The following CRHR2 variants were observed in gnomAD, a reference collection of about 807,000 sequenced individuals.
The protein encoded by CRHR2 is corticotropin releasing hormone receptor 2.
Under a neutral mutation model 57.9 loss-of-function variants are expected in CRHR2, and 53 were observed. The ratio of observed to expected loss-of-function variants is 0.92; its 90% CI spans 0.73 to 1.15. The LOEUF (loss-of-function observed/expected upper bound fraction) is 1.15. Ranked by LOEUF, CRHR2 falls within the 50% of genes most tolerant of loss-of-function variation. The probability of loss-of-function intolerance (pLI) is 0.00; values close to 1 mark genes in which losing one functional copy is unlikely to be tolerated. For synonymous variants in CRHR2, 213 were observed against 220.9 expected (o/e 0.96, Z 0.32); for missense variants, 532 against 542.6 (o/e 0.98, Z 0.19).
chr7:30,657,273 C>T (rs996564283), intron 8 of CRHR2, among the ~76,000 whole-genome samples: 12 of 152,252 alleles, frequency 7.9e-5, no homozygotes, highest in East Asian at 1.9e-4. Flanking sequence ...CACAAGCTTT[C>T]GGGTAGCCCT....
chr7:30,687,859 G>C (rs1026897441), intron 2 of CRHR2, among the ~76,000 whole-genome samples: 1 of 152,194 alleles, frequency 6.6e-6, no homozygotes, highest in Non-Finnish European at 1.5e-5. Context: ...GAAGGGAGGG[G>C]CCTCCATTTC....
chr7:30,664,983 G>T, intron 5 of CRHR2, 87 bp downstream of exon 5: 2 of 1,041,624 alleles, frequency 1.9e-6, no homozygotes, highest in Non-Finnish European at 3.0e-6. Context: ...ACAAAGGAGG[G>T]GTCCAAGCAG....
intron 11 of CRHR2, chr7:30,654,799 T>C (rs767278994): frequency 1.3e-6 from 2 of 1,538,066 alleles, no homozygotes; most frequent in Non-Finnish European, 1.7e-6. Flanking sequence ...GCTTCCTTGC[T>C]CACCCAGCTC....
At position 30,662,731 on chromosome 7, in the gene CRHR2, C is replaced by G. The variant is rs34625936; in HGVS notation, c.660G>C (p.Glu220Asp). The G allele has an allele frequency of 0.012, 19,060 of 1,614,162 alleles. 320 individuals are homozygous for G. Among genetic ancestry groups the G allele is most frequent in the African/African-American group, 0.072 (5,419 of 75,046 alleles). ...HTAIVMTYST[E>D]RLRKCLFLFI... ...AGAGGAAGAGGCACTTGCGCAGGCG[C>G]TCAGTGGAGTAGGTCATGACAATGG... is the stretch of plus-strand genomic sequence containing the variant. The change falls in exon 6 of 12, where the codon GAG becomes GAC. Residue 220 changes from glutamate (E) to aspartate (D), a missense_variant. Physicochemically the swap from Glu to Asp is conservative, Grantham distance 45. Coordinates refer to ENST00000471646, the MANE Select transcript of CRHR2 (RefSeq NM_001883.5).
At position 30,652,147 on chromosome 7, in the gene CRHR2, A is replaced by T. The variant is rs1033804979; in HGVS notation, c.*1313T>A. ...GGTTTCTTTTGGAAGAAATGGCCTG[A>T]TGCTTCTCTCTCCCTGACTCCTGCG... On this transcript the variant is annotated 3_prime_UTR_variant, in exon 12 of 12. Transcript: ENST00000471646. The surrounding 1 kb of genome is among the most constrained non-coding windows in gnomAD (Gnocchi z 4.4). 3 of 152,236 alleles carry T rather than the reference A, an allele frequency of 2.0e-5. No individual in the cohort carries two copies. The highest frequency in any genetic ancestry group is 7.2e-5 in the African/African-American group (3 of 41,464). 9.4% of individuals were successfully genotyped at this position (152,236 alleles called of 1,614,324 possible).
intron 3 of CRHR2, 37 bp downstream of exon 3, chr7:30,667,191 G>A (rs368535432): frequency 6.3e-7 from 1 of 1,579,596 alleles, no homozygotes; most frequent in Non-Finnish European, 8.7e-7. Context: ...AAATACCTGT[G>A]TGAGGCCTGG....
rs1357822000 is a variant in CRHR2 at position 30,662,811 on chromosome 7, A to T, written c.580T>A (p.Phe194Ile). 1.2e-6 allele frequency: 2 copies of T among 1,614,208 alleles called. No individual in the cohort carries two copies. Among genetic ancestry groups the T allele is most frequent in the Non-Finnish European group, 1.7e-6 (2 of 1,180,032 alleles). ...ATCCAGAAGAAGTTGGTCACCACGA[A>T]GTAGTTGAAGATGGTGGTGATGCAG... ...CRCITTIFNY[F>I]VVTNFFWMFV... Residue 194 changes from phenylalanine to isoleucine, a missense_variant, in exon 6 of 12, where the codon TTC (phenylalanine) becomes ATC (isoleucine). By Grantham distance (21) the Phe-to-Ile change is conservative. Coordinates refer to ENST00000471646, the MANE Select transcript of CRHR2 (RefSeq NM_001883.5).
In CRHR2 at chr7:30,667,688, C is replaced by T. The variant is rs114689678; in HGVS notation, c.230-375G>A. ...CTCAATTGTTTTATATTTATGAGGTCCATACTTCACCAATATCAGCACTTC... is the reference window on the plus strand; with the variant it reads ...CTCAATTGTTTTATATTTATGAGGTTCATACTTCACCAATATCAGCACTTC... On this transcript the variant is annotated intron_variant, in intron 2 of 11. Coordinates refer to ENST00000471646, the MANE Select transcript of CRHR2 (RefSeq NM_001883.5). Among the ~76,000 whole-genome samples the T allele has an allele frequency of 3.6e-3, 553 of 152,320 alleles. 4 individuals carry two copies. Among genetic ancestry groups the T allele is most frequent in the African/African-American group, 0.013 (521 of 41,574 alleles).
At chr7:30,682,152 C>A in intron 1 of CRHR2, 26 bp downstream of exon 1, 1 of 1,543,274 alleles carries the variant, frequency 6.5e-7, no homozygotes, top group South Asian at 1.2e-5. Context: ...GCCCGCGCAG[C>A]CTCCGACCGC....
intron 2 of CRHR2, among the ~76,000 whole-genome samples, chr7:30,668,144 G>A (rs1393446889): frequency 6.6e-6 from 1 of 152,216 alleles, no homozygotes; most frequent in Non-Finnish European, 1.5e-5. Flanking sequence ...AAGCAGCAAT[G>A]TCCTGTGCAC....
chr7:30,665,476 G>C lies in CRHR2; in HGVS notation c.425+54C>G. 2.9e-6 allele frequency: 4 copies of C among 1,392,336 alleles called. No individual in the cohort carries two copies. The highest frequency in any genetic ancestry group is 4.0e-6 in the Non-Finnish European group (4 of 1,003,658). 86.2% of individuals were successfully genotyped at this position (1,392,336 alleles called of 1,614,324 possible). On this transcript the variant is annotated intron_variant, in intron 4 of 11. Coordinates refer to ENST00000471646, the MANE Select transcript of CRHR2 (RefSeq NM_001883.5). This position sits in a 1 kb window ranked among gnomAD's most constrained non-coding sequence, Gnocchi z 4.5. The stretch of plus-strand genomic sequence containing the variant: ...GTGAGAATGTCTGGGAGAGGTGAAG[G>C]GGGTGCTGTAGGGGGAGGGATGAGG...
chr7:30,667,275 C>T lies in CRHR2; in HGVS notation c.268G>A (p.Ala90Thr). The T allele has an allele frequency of 6.2e-7, 1 of 1,614,118 alleles. No individual in the cohort carries two copies. The highest frequency in any genetic ancestry group is 2.2e-5 in the East Asian group (1 of 44,872). ...CACTGTGAGTAGTTGATCTTTGAGG[C>T]CCACGTCCCATTCTCCAAGCATTCT... is the stretch of plus-strand genomic sequence containing the variant. ...YRECLENGTWASKINYSQCEP... is the reference protein window; with the variant it reads ...YRECLENGTWTSKINYSQCEP... Residue 90 changes from alanine (A) to threonine (T), a missense_variant, in exon 3 of 12, where the codon GCC (alanine) becomes ACC (threonine). Transcript: ENST00000471646.
At chr7:30,666,838 G>A (rs1784200928) in intron 3 of CRHR2, among the ~76,000 whole-genome samples, 1 of 150,846 alleles carries the variant, frequency 6.6e-6, no homozygotes, top group Admixed American at 6.6e-5. Flanking sequence ...CCCTTGGGGG[G>A]CTGCATTTGT....
chr7:30,699,305 T>C (rs907850950), intron 1 of CRHR2, among the ~76,000 whole-genome samples: 8 of 152,106 alleles, frequency 5.3e-5, no homozygotes, highest in Non-Finnish European at 1.2e-4. Context: ...GGGGTGTGGC[T>C]GGATGAAGCT....
rs183814597 is a variant in CRHR2, at chr7:30,679,224, C to T, written c.229+2691G>A. ...CTAAGTCCTCCCTGATCCTCCAGGC[C>T]GGAGGTATGAGTCTTCTTTCCAAAC... On this transcript the variant is annotated intron_variant, in intron 2 of 11. Coordinates refer to ENST00000471646, the MANE Select transcript of CRHR2 (RefSeq NM_001883.5). 6.4e-4 allele frequency among the ~76,000 whole-genome samples: 98 copies of T among 152,304 alleles called. 1 individual carries two copies. In the South Asian group the frequency reaches 0.015, roughly 23 times the overall value.
chr7:30,654,624 G>T, intron 11 of CRHR2: 1 of 1,482,664 alleles, frequency 6.7e-7, no homozygotes, highest in Non-Finnish European at 9.1e-7. Context: ...CCTGCTCTTG[G>T]TGTGTGGGCT....
chr7:30,671,775 C>G (rs1451925561), intron 2 of CRHR2, among the ~76,000 whole-genome samples: 2 of 150,820 alleles, frequency 1.3e-5, no homozygotes. Flanking sequence ...CCACTGCACT[C>G]CAGCCTGGGT....
chr7:30,652,801 T>TGAAG lies in CRHR2; in HGVS notation c.*658_*659insCTTC, dbSNP rs1288338111. ...GTGGCTTCCCTGATGGCGTCTTCCT[T>TGAAG]GATTGCCTAATCTGTGGACTAGGCA... On this transcript the variant is annotated 3_prime_UTR_variant, in exon 12 of 12. Transcript: ENST00000471646. This position sits in a 1 kb window ranked among gnomAD's most constrained non-coding sequence, Gnocchi z 4.4. 4 of 152,410 alleles carry TGAAG rather than the reference T, an allele frequency of 2.6e-5. No individual in the cohort carries two copies. The East Asian group carries it at 7.7e-4, about 29-fold the overall frequency. 9.4% of individuals were successfully genotyped at this position (152,410 alleles called of 1,614,324 possible).
At chr7:30,658,220 C>T (rs1048094530) in intron 8 of CRHR2, among the ~76,000 whole-genome samples, 2 of 152,256 alleles carry the variant, frequency 1.3e-5, no homozygotes, top group Admixed American at 1.3e-4. Flanking sequence ...CATTCTTGGA[C>T]TCTACCTCCC....
Sources: gnomAD v4.1 joint callset for allele counts (sites outside exome capture counted in the v4.1 genomes callset) on GRCh38, gnomAD v4.1.1 for gene constraint, Gnocchi (gnomAD v3.1) non-coding constraint, MANE v1.5 for transcripts, NCBI Gene and HGNC (gene_info 2026-07-23, HGNC 2026-07-21) for gene names.